The following PDLIM5 variants were observed in gnomAD, a reference collection of about 807,000 sequenced individuals.
PDLIM5 encodes PDZ and LIM domain protein 5.
Under a neutral mutation model 64.2 loss-of-function variants are expected in PDLIM5, and 34 were observed. The ratio of observed to expected loss-of-function variants is 0.53; its 90% CI spans 0.40 to 0.71. The LOEUF is 0.71. Among genes scored for constraint, PDLIM5 ranks in the 30% least tolerant of loss-of-function variants. The pLI is 0.00. For synonymous variants in PDLIM5, 253 were observed against 269.1 expected, an observed-to-expected ratio of 0.94 and a Z score of 0.59; for missense variants, 683 against 733.6, an observed-to-expected ratio of 0.93 and a Z score of 0.80.
At chr4:94,592,338 T>A (rs1341659944) in intron 7 of PDLIM5, among the ~76,000 whole-genome samples, 2 of 152,248 alleles carry the variant, frequency 1.3e-5, no homozygotes, top group South Asian at 2.1e-4. Context: ...TTTGGAATCT[T>A]AAGTATTAGC....
At chr4:94,548,939 A>G (rs1732556875) in intron 3 of PDLIM5, among the ~76,000 whole-genome samples, 1 of 152,070 alleles carries the variant, frequency 6.6e-6, no homozygotes, top group Non-Finnish European at 1.5e-5. Context: ...TTGCCTTGGC[A>G]ATATTTCTTG....
At chr4:94,546,586 A>G (rs1732338069) in intron 3 of PDLIM5, among the ~76,000 whole-genome samples, 1 of 152,112 alleles carries the variant, frequency 6.6e-6, no homozygotes, top group Non-Finnish European at 1.5e-5. Context: ...TGGCTTAATT[A>G]TCTATCTAAT....
intron 5 of PDLIM5, chr4:94,579,667 AT>A: frequency 2.2e-6 from 1 of 445,212 alleles, no homozygotes; most frequent in Non-Finnish European, 4.1e-6. Context: ...CACATTTAGT[AT>A]TTTCAGTAAG....
intron 10 of PDLIM5, among the ~76,000 whole-genome samples, chr4:94,655,192 T>TA (rs552623568): frequency 6.4e-4 from 97 of 152,226 alleles, no homozygotes; most frequent in Admixed American, 2.9e-3. Flanking sequence ...GATGGAAAAA[T>TA]AATTTTTTTT....
At chr4:94,521,242 A>G (rs1292614203) in intron 2 of PDLIM5, among the ~76,000 whole-genome samples, 7 of 152,148 alleles carry the variant, frequency 4.6e-5, no homozygotes, top group Admixed American at 3.9e-4. Flanking sequence ...GCGAGAGGTA[A>G]TGGGGCCACC....
chr4:94,607,452 A>C lies in PDLIM5; in HGVS notation c.921-10552A>C, dbSNP rs189941443. The stretch of plus-strand genomic sequence containing the variant: ...AAAATAATACAGATATCAGAAAATT[A>C]AAGTAAAGAATACTCAAAACCCTAC... On this transcript the variant is annotated intron_variant, in intron 7 of 12. Coordinates refer to ENST00000317968, the MANE Select transcript of PDLIM5 (RefSeq NM_006457.5). 7.9e-5 allele frequency among the ~76,000 whole-genome samples: 12 copies of C among 152,304 alleles called. 1 individual carries two copies. The highest frequency in any genetic ancestry group is 2.2e-4 in the African/African-American group (9 of 41,576).
At position 94,575,907 on chromosome 4, in the gene PDLIM5, A is replaced by C. The variant is rs1735210527; in HGVS notation, c.583A>C (p.Ser195Arg). Residue 195 changes from serine (S) to arginine (R), a missense_variant, in exon 5 of 13, where the codon AGC (serine) becomes CGC (arginine). Transcript: ENST00000317968. ...TGCTGACCAGTCTCCATCTGCACTG[A>C]GCGCTGGTAAAACTGCAGTTAATGT... is the stretch of plus-strand genomic sequence containing the variant. Reference protein sequence around the residue: ...LSADQSPSALSAGKTAVNVPR... With the variant: ...LSADQSPSALRAGKTAVNVPR... 1 of 1,614,044 alleles carries C rather than the reference A, an allele frequency of 6.2e-7. No individual in the cohort carries two copies.
At chr4:94,603,012 T>A (rs1417558522) in intron 7 of PDLIM5, among the ~76,000 whole-genome samples, 1 of 152,188 alleles carries the variant, frequency 6.6e-6, no homozygotes, top group Non-Finnish European at 1.5e-5. Context: ...ATATTATCAT[T>A]AATGACCAAG....
chr4:94,510,857 A>G (rs1314573633), intron 2 of PDLIM5, among the ~76,000 whole-genome samples: 2 of 152,192 alleles, frequency 1.3e-5, no homozygotes, highest in Non-Finnish European at 2.9e-5. Context: ...AAAAAATACA[A>G]AAATTAACTG....
intron 7 of PDLIM5, among the ~76,000 whole-genome samples, chr4:94,616,497 A>G (rs35139379): frequency 6.6e-6 from 1 of 152,188 alleles, no homozygotes. Context: ...TAATTTGTCC[A>G]CCACAGTGCT....
chr4:94,654,765 CTATT>C, intron 10 of PDLIM5, 125 bp downstream of exon 10: 1 of 638,666 alleles, frequency 1.6e-6, no homozygotes, highest in South Asian at 2.2e-5. Flanking sequence ...GCTTTCGGCA[CTATT>C]TATTATTGTA....
chr4:94,456,708 A>G (rs1455200741), intron 2 of PDLIM5: 10 of 1,324,514 alleles, frequency 7.5e-6, no homozygotes, highest in Non-Finnish European at 8.7e-6. Flanking sequence ...ATATAAGTAC[A>G]TACATATATA....
At chr4:94,641,236 T>G (rs2110460206) in intron 9 of PDLIM5, among the ~76,000 whole-genome samples, 1 of 152,224 alleles carries the variant, frequency 6.6e-6, no homozygotes, top group East Asian at 1.9e-4. Context: ...CTTTTTAAAT[T>G]TATCCTACTT....
intron 3 of PDLIM5, among the ~76,000 whole-genome samples, chr4:94,547,974 T>C (rs1330703398): frequency 6.6e-6 from 1 of 152,204 alleles, no homozygotes; most frequent in East Asian, 1.9e-4. Context: ...TTTGGTTGTT[T>C]ACTTTTTACC....
At position 94,666,136 on chromosome 4, in the gene PDLIM5, CG is replaced by C; in HGVS notation, c.*2070del. On this transcript the variant is annotated 3_prime_UTR_variant, in exon 13 of 13. Transcript: ENST00000317968. ...TCCTTCCTGCCCCATCACTCACTTACGACATCACTTCCATTGTGTGCATGTT... is the reference window on the plus strand; with the variant it reads ...TCCTTCCTGCCCCATCACTCACTTACACATCACTTCCATTGTGTGCATGTT... The C allele has an allele frequency of 1.2e-6, 1 of 811,468 alleles. No individual in the cohort carries two copies. Among genetic ancestry groups the C allele is most frequent in the Non-Finnish European group, 1.9e-6 (1 of 517,014 alleles). The allele number at this position is 811,468 out of a possible 1,614,324, so 50.3% of individuals were successfully genotyped here. A position where few individuals can be genotyped will look rare whatever the true frequency, so the allele number is the denominator to read the frequency against.
At chr4:94,543,539 T>C (rs1732016045) in intron 3 of PDLIM5, among the ~76,000 whole-genome samples, 2 of 152,252 alleles carry the variant, frequency 1.3e-5, no homozygotes, top group South Asian at 4.2e-4. Flanking sequence ...TCTGAACTTA[T>C]TCCTCCTACC....
chr4:94,563,465 T>G (rs1734014730), intron 3 of PDLIM5, among the ~76,000 whole-genome samples: 1 of 152,208 alleles, frequency 6.6e-6, no homozygotes, highest in Non-Finnish European at 1.5e-5. Context: ...TGGAAAAAGC[T>G]AAGTTGAGAT....
chr4:94,552,565 G>A lies in PDLIM5; in HGVS notation c.249-20786G>A, dbSNP rs186439451. Reference sequence around the variant, plus strand: ...TGCATTAAAATTAATTTCTGATTACGCATATGATCCCAATAGAGAATTCAT... The same window carrying A: ...TGCATTAAAATTAATTTCTGATTACACATATGATCCCAATAGAGAATTCAT... On this transcript the variant is annotated intron_variant, in intron 3 of 12. Transcript: ENST00000317968. 1.2e-3 allele frequency among the ~76,000 whole-genome samples: 181 copies of A among 151,932 alleles called. 1 individual carries two copies. Among genetic ancestry groups the A allele is most frequent in the South Asian group, 4.4e-3 (21 of 4,806 alleles).
At chr4:94,535,427 G>A (rs1731233338) in intron 3 of PDLIM5, among the ~76,000 whole-genome samples, 2 of 152,210 alleles carry the variant, frequency 1.3e-5, no homozygotes, top group Admixed American at 6.5e-5. Flanking sequence ...TTCAATGTGG[G>A]CAAAACTAAG....
Sources: allele counts gnomAD v4.1 joint callset (sites outside exome capture counted in the v4.1 genomes callset), GRCh38; gene constraint gnomAD v4.1.1; transcripts MANE v1.5; gene names NCBI Gene and HGNC (gene_info 2026-07-23, HGNC 2026-07-21).